ACSM1: variants seen among roughly 807,000 people sequenced by gnomAD.
ACSM1 encodes the protein acyl-CoA synthetase medium chain family member 1.
A neutral mutation model predicts 75.8 loss-of-function variants in ACSM1; 79 were observed. The ratio of observed to expected loss-of-function variants is 1.04; its 90% CI spans 0.87 to 1.26. The LOEUF (loss-of-function observed/expected upper bound fraction) is 1.26, where lower values mean the gene tolerates loss of function less well. Among genes scored for constraint, ACSM1 ranks in the 50% most tolerant of loss-of-function variants. The pLI, the probability that ACSM1 is intolerant of heterozygous loss-of-function variation, is 0.00. For missense variants in ACSM1, 676 were observed against 720.1 expected (o/e 0.94, Z 0.70); for synonymous variants, 279 against 265.8 (o/e 1.05, Z -0.48).
intron 7 of ACSM1, among the ~76,000 whole-genome samples, chr16:20,643,322 C>T (rs980421885): frequency 2.0e-5 from 3 of 152,180 alleles, no homozygotes; most frequent in African/African-American, 4.8e-5. Context: ...GAAATGGGTC[C>T]GATGGTGCTC....
At chr16:20,692,935 C>T (rs1242306859) in intron 1 of ACSM1, among the ~76,000 whole-genome samples, 1 of 152,082 alleles carries the variant, frequency 6.6e-6, no homozygotes, top group Non-Finnish European at 1.5e-5. Flanking sequence ...CTTTGGGAGG[C>T]TGAGGCAGGT....
chr16:20,683,397 G>A (rs906805614), intron 3 of ACSM1, among the ~76,000 whole-genome samples: 5 of 151,924 alleles, frequency 3.3e-5, no homozygotes, highest in African/African-American at 4.8e-5. Flanking sequence ...CAAAGTGCTG[G>A]GATTACAGCT....
Position 20,671,559 on chromosome 16 carries a change from A to C in ACSM1, c.724T>G (p.Leu242Val), listed in dbSNP as rs2019902809. 1.2e-6 allele frequency: 2 copies of C among 1,612,934 alleles called. No homozygotes were observed. The highest frequency in any genetic ancestry group is 1.3e-5 in the African/African-American group (1 of 74,722). ...FPKMAKHSHG[L>V]ALQPSFPGSR... ...CCTGGGAAGGAGGGTTGTAAGGCCA[A>C]CCCATGGGAGTGTTTTGCCATCTTG... is the stretch of plus-strand genomic sequence containing the variant. The change falls in exon 5 of 14, where the codon TTG (leucine) becomes GTG (valine). Residue 242 changes from leucine to valine, a missense_variant. Leu to Val is a conservative substitution (Grantham distance 32). Transcript: ENST00000520010.
chr16:20,697,556 T>TACACACACACAC lies in ACSM1; in HGVS notation c.-52+68_-52+79dup, dbSNP rs57633278. 2.1e-4 allele frequency: 30 copies of TACACACACACAC among 139,642 alleles called. 1 individual carries two copies. The East Asian group carries it at 3.2e-3, about 15-fold the overall frequency. The allele number at this position is 139,642 out of a possible 1,614,324, so 8.7% of individuals were successfully genotyped here. ...GCATTGCCAGAACTTAAAATTGGAT[T>TACACACACACAC]ACACACACACACACACACACACACA... On this transcript the variant is annotated intron_variant, in intron 1 of 13. Coordinates refer to ENST00000520010, the MANE Select transcript of ACSM1 (RefSeq NM_001318890.3).
chr16:20,639,714 G>GC (rs2017935863), intron 8 of ACSM1, among the ~76,000 whole-genome samples: 1 of 152,198 alleles, frequency 6.6e-6, no homozygotes, highest in Non-Finnish European at 1.5e-5. Context: ...ACAATGCTGT[G>GC]CATGCGATGG....
At position 20,632,046 on chromosome 16, in the gene ACSM1, G is replaced by A. The variant is rs527833222; in HGVS notation, c.1299+4693C>T. On this transcript the variant is annotated intron_variant, in intron 10 of 13. Transcript: ENST00000520010. ...CCATTCATGAGGACCCCATGCTCAC[G>A]ATATAATCATCTCCAAATATTGCAT... Among the ~76,000 whole-genome samples, 15 of 152,214 alleles carry A rather than the reference G, an allele frequency of 9.9e-5. No homozygotes were observed. The South Asian group carries it at 1.9e-3, about 19-fold the overall frequency.
chr16:20,692,923 C>T (rs188063884), intron 1 of ACSM1, among the ~76,000 whole-genome samples: 1 of 152,060 alleles, frequency 6.6e-6, no homozygotes, highest in Non-Finnish European at 1.5e-5. Context: ...ATAATCCCAG[C>T]CCTTTGGGAG....
chr16:20,637,543 G>T, intron 8 of ACSM1, 92 bp from the exon 9 acceptor site: 2 of 1,112,798 alleles, frequency 1.8e-6, no homozygotes, highest in African/African-American at 1.5e-5. Context: ...TCTGCTCAGA[G>T]ATGTAGTATT....
chr16:20,648,978 T>C lies in ACSM1; in HGVS notation c.993-8394A>G, dbSNP rs1025763622. Among the ~76,000 whole-genome samples, 5 of 152,224 alleles carry C rather than the reference T, an allele frequency of 3.3e-5. No homozygotes were observed. Among genetic ancestry groups the C allele is most frequent in the African/African-American group, 1.2e-4 (5 of 41,460 alleles). On this transcript the variant is annotated intron_variant, in intron 7 of 13. Transcript: ENST00000520010. The surrounding 1 kb of genome is among the most constrained non-coding windows in gnomAD (Gnocchi z 4.2). ...ATTGAGACTTATCTCAGTATTGGTT[T>C]GTAGTATGAAAATTTCTGTAAATCC...
rs758458243 is a variant in ACSM1 at position 20,690,956 on chromosome 16, C to A, written c.192+41G>T. 8.3e-6 allele frequency: 13 copies of A among 1,573,072 alleles called. No individual in the cohort carries two copies. In the Admixed American group the frequency reaches 9.9e-5, roughly 12 times the overall value. On this transcript the variant is annotated intron_variant, in intron 2 of 13. Transcript: ENST00000520010. ...TAGGAGCAAGATAAGGAAAGTGAGG[C>A]CACCCTTGTTCTTATATCGCCATCA...
chr16:20,677,825 A>G (rs2079337311), intron 4 of ACSM1, among the ~76,000 whole-genome samples: 1 of 152,150 alleles, frequency 6.6e-6, no homozygotes, highest in African/African-American at 2.4e-5. Flanking sequence ...CAGATTCCAA[A>G]TATGCTTCTG....
intron 6 of ACSM1, among the ~76,000 whole-genome samples, chr16:20,669,275 T>C (rs2019744565): frequency 6.6e-6 from 1 of 152,126 alleles, no homozygotes; most frequent in Non-Finnish European, 1.5e-5. Context: ...TAATATTACC[T>C]AAGACTTTAT....
intron 2 of ACSM1, among the ~76,000 whole-genome samples, chr16:20,687,853 G>A (rs897489698): frequency 2.0e-5 from 3 of 152,096 alleles, no homozygotes; most frequent in Non-Finnish European, 4.4e-5. Context: ...GGAGGCCGAG[G>A]CTACCGGATC....
intron 2 of ACSM1, among the ~76,000 whole-genome samples, chr16:20,690,599 A>G (rs530473419): frequency 1.3e-5 from 2 of 152,288 alleles, no homozygotes; most frequent in Non-Finnish European, 2.9e-5. Context: ...ATGCAGTCTC[A>G]AGTCAAGCCC....
chr16:20,657,699 T>C (rs2019056021), intron 7 of ACSM1, among the ~76,000 whole-genome samples: 1 of 152,138 alleles, frequency 6.6e-6, no homozygotes, highest in Non-Finnish European at 1.5e-5. Context: ...GATGGTGTGC[T>C]GCACCCATTA....
rs145170042 is a variant in ACSM1, at chr16:20,625,512, C to T, written c.1438G>A (p.Gly480Arg). The change falls in exon 12 of 14, where the codon GGG (glycine) becomes AGG (arginine). Residue 480 changes from glycine to arginine, a missense_variant. By Grantham distance (125) the Gly-to-Arg change is moderately radical. Transcript: ENST00000520010. Reference protein sequence around the residue: ...DIINASGYRIGPAEVESALVE... With the variant: ...DIINASGYRIRPAEVESALVE... ...AAAGCGCTTTCAACCTCTGCAGGCC[C>T]GATGCGATACCTGGAGGATGAAGGG... The T allele has an allele frequency of 9.6e-5, 155 of 1,613,830 alleles. No homozygotes were observed. Among genetic ancestry groups the T allele is most frequent in the Non-Finnish European group, 1.3e-4 (153 of 1,179,980 alleles).
rs1466260292 is a variant in ACSM1 at position 20,671,661 on chromosome 16, G to A, written c.622C>T (p.Pro208Ser). 4 of 1,579,656 alleles carry A rather than the reference G, an allele frequency of 2.5e-6. No individual in the cohort carries two copies. Among genetic ancestry groups the A allele is most frequent in the South Asian group, 1.2e-5 (1 of 86,738 alleles). Reference sequence around the variant, plus strand: ...TTTGACTTAACACAGGTGTGTTCTGGGGATGCTGATCTGCAAAGGGGTTCA... The same window carrying A: ...TTTGACTTAACACAGGTGTGTTCTGAGGATGCTGATCTGCAAAGGGGTTCA... Reference protein sequence around the residue: ...DFRSLVKSASPEHTCVKSKTL... With the variant: ...DFRSLVKSASSEHTCVKSKTL... Residue 208 changes from proline to serine, a missense_variant, in exon 5 of 14, where the codon CCA (proline) becomes TCA (serine). By Grantham distance (74) the Pro-to-Ser change is moderately conservative. Transcript: ENST00000520010.
chr16:20,624,318 C>A, intron 12 of ACSM1, 103 bp from the exon 13 acceptor site: 1 of 1,342,358 alleles, frequency 7.4e-7, no homozygotes, highest in South Asian at 1.5e-5. Flanking sequence ...ACACTGAACC[C>A]TACAGTGTTT....
rs572075284 is a variant in ACSM1 at position 20,686,480 on chromosome 16, G to A, written c.193-1077C>T. On this transcript the variant is annotated intron_variant, in intron 2 of 13. Coordinates refer to ENST00000520010, the MANE Select transcript of ACSM1 (RefSeq NM_001318890.3). Reference sequence around the variant, plus strand: ...ACTGGGGCCAGTCTGACGGGTCAGGGGCCATGGGAGGGAGAGCATTAGGAC... The same window carrying A: ...ACTGGGGCCAGTCTGACGGGTCAGGAGCCATGGGAGGGAGAGCATTAGGAC... Among the ~76,000 whole-genome samples the A allele has an allele frequency of 2.0e-5, 3 of 152,192 alleles. No homozygotes were observed. In the East Asian group the frequency reaches 5.8e-4, roughly 29 times the overall value.
Sources: gnomAD v4.1 joint callset for allele counts (sites outside exome capture counted in the v4.1 genomes callset) on GRCh38, gnomAD v4.1.1 for gene constraint, Gnocchi (gnomAD v3.1) non-coding constraint, MANE v1.5 for transcripts, NCBI Gene and HGNC (gene_info 2026-07-23, HGNC 2026-07-21) for gene names.